Variants in CCR5AS observed in about 807,000 individuals in gnomAD.
The protein encoded by CCR5AS is CCR5 antisense RNA.
Position 46,368,993 on chromosome 3 carries a change from G to A in CCR5AS, n.565+2251C>T, listed in dbSNP as rs770640308. Among the ~76,000 whole-genome samples the A allele has an allele frequency of 7.4e-5, 11 of 149,164 alleles. No homozygotes were observed. In the South Asian group the frequency reaches 2.2e-3, roughly 30 times the overall value. Reference sequence around the variant, plus strand: ...GTGAATACAAGGCTATCTATCTTTCGAAAAACCAAAGTTGTATTTATGCTA... The same window carrying A: ...GTGAATACAAGGCTATCTATCTTTCAAAAAACCAAAGTTGTATTTATGCTA... On this transcript the variant is annotated intron_variant and non_coding_transcript_variant, in intron 3 of 3. Coordinates refer to ENST00000451485, the Ensembl canonical transcript of CCR5AS.
At chr3:46,374,043 G>A (rs2106750653) in intron 2 of CCR5AS, 2 of 985,982 alleles carry the variant, frequency 2.0e-6, no homozygotes, top group Non-Finnish European at 3.0e-6. Context: ...TGGGGGTGGG[G>A]TGGGAGAGGT....
chr3:46,368,786 T>C (rs1193316009), intron 3 of CCR5AS, among the ~76,000 whole-genome samples: 1 of 152,228 alleles, frequency 6.6e-6, no homozygotes, highest in Non-Finnish European at 1.5e-5. Flanking sequence ...CCTGCTCCGC[T>C]AGCCCACATT....
intron 2 of CCR5AS, among the ~76,000 whole-genome samples, chr3:46,384,380 A>G (rs1701840345): frequency 6.6e-6 from 1 of 152,210 alleles, no homozygotes; most frequent in Non-Finnish European, 1.5e-5. Context: ...CATGTTGAAC[A>G]TGCCTGGCCC....
At chr3:46,401,956 C>A (rs962596153) in intron 1 of CCR5AS, among the ~76,000 whole-genome samples, 2 of 152,060 alleles carry the variant, frequency 1.3e-5, no homozygotes, top group Admixed American at 1.3e-4. Flanking sequence ...ACACTCCATA[C>A]CCTTTCTTCC....
rs1340789849 is a variant in CCR5AS, at chr3:46,372,721, C to A, written n.392-1304G>T. 10 of 505,946 alleles carry A rather than the reference C, an allele frequency of 2.0e-5. No homozygotes were observed. The East Asian group carries it at 2.9e-4, about 15-fold the overall frequency. 31.3% of individuals were successfully genotyped at this position (505,946 alleles called of 1,614,324 possible). A position where few individuals can be genotyped will look rare whatever the true frequency, so the allele number is the denominator to read the frequency against. ...AGTGGACAGGGAAGCTAGCAGCAAA[C>A]CTTCCCTTCACTACAAAACTTCATT... is the stretch of plus-strand genomic sequence containing the variant. On this transcript the variant is annotated intron_variant and non_coding_transcript_variant, in intron 2 of 3. Transcript: ENST00000451485.
rs528808326 is a variant in CCR5AS, at chr3:46,387,955, G to A, written n.391+4870C>T. 1.3e-4 allele frequency among the ~76,000 whole-genome samples: 20 copies of A among 152,244 alleles called. 1 individual carries two copies. The highest frequency in any genetic ancestry group is 7.2e-4 in the Admixed American group (11 of 15,296). On this transcript the variant is annotated intron_variant and non_coding_transcript_variant, in intron 2 of 3. Transcript: ENST00000451485. ...GAGAAGGAATGTCACAAGGTCAACT[G>A]ATCAGTTAGGGTGGGGCAGGAACAA...
chr3:46,387,503 C>A (rs140461192), intron 2 of CCR5AS, among the ~76,000 whole-genome samples: 57 of 152,318 alleles, frequency 3.7e-4, no homozygotes, highest in African/African-American at 1.3e-3. Flanking sequence ...TCCCTCCACA[C>A]TTTAGGTGCT....
intron 1 of CCR5AS, among the ~76,000 whole-genome samples, chr3:46,401,680 G>A (rs892146205): frequency 6.6e-5 from 10 of 152,086 alleles, no homozygotes; most frequent in Admixed American, 2.6e-4. Flanking sequence ...CAGCAGCTGG[G>A]CCCCTCAGTC....
At chr3:46,376,349 T>C (rs1276139838) in intron 2 of CCR5AS, 4 of 152,230 alleles carry the variant, frequency 2.6e-5, no homozygotes, top group Non-Finnish European at 5.9e-5. Context: ...GATAATTGTA[T>C]TTTTGTATTT....
chr3:46,389,078 TG>T (rs1559573691), intron 2 of CCR5AS, among the ~76,000 whole-genome samples: 2 of 151,998 alleles, frequency 1.3e-5, no homozygotes. Flanking sequence ...TGACAAATTT[TG>T]GGGGCACAGT....
At chr3:46,395,490 G>C (rs1219224046) in intron 1 of CCR5AS, among the ~76,000 whole-genome samples, 2 of 152,182 alleles carry the variant, frequency 1.3e-5, no homozygotes, top group African/African-American at 4.8e-5. Flanking sequence ...CTGTGGGAGA[G>C]AGGGCTGTGG....
chr3:46,371,582 T>C (rs1479421441), intron 2 of CCR5AS, among the ~76,000 whole-genome samples: 2 of 152,154 alleles, frequency 1.3e-5, no homozygotes, highest in African/African-American at 4.8e-5. Context: ...TGCAGGGAGT[T>C]TGAGACTCAC....
intron 2 of CCR5AS, among the ~76,000 whole-genome samples, chr3:46,380,601 C>T (rs1051221243): frequency 6.6e-6 from 1 of 152,198 alleles, no homozygotes; most frequent in Non-Finnish European, 1.5e-5. Flanking sequence ...CTGGAGTGGG[C>T]TCCAACAGCG....
intron 2 of CCR5AS, among the ~76,000 whole-genome samples, chr3:46,382,768 A>T (rs1212133142): frequency 4.6e-5 from 7 of 152,200 alleles, no homozygotes; most frequent in African/African-American, 1.4e-4. Context: ...ACTGTAGGAG[A>T]CAGTGTGAGT....
chr3:46,374,214 C>A (rs1339699622), intron 2 of CCR5AS: 2 of 345,674 alleles, frequency 5.8e-6, no homozygotes, highest in East Asian at 9.3e-5. Context: ...CCTTCACATG[C>A]ATCAAGTTAT....
chr3:46,399,487 G>A (rs1456068445), intron 1 of CCR5AS, among the ~76,000 whole-genome samples: 2 of 152,162 alleles, frequency 1.3e-5, no homozygotes, highest in Non-Finnish European at 1.5e-5. Context: ...TAAATGGTCT[G>A]ACCAATGTTT....
At chr3:46,372,853 C>A (rs919236224) in intron 2 of CCR5AS, 6 of 1,441,548 alleles carry the variant, frequency 4.2e-6, no homozygotes, top group Non-Finnish European at 5.7e-6. Flanking sequence ...TAAATACATT[C>A]TAGGACTTTA....
chr3:46,364,630 A>G (rs1369561268), exon 4 of CCR5AS, among the ~76,000 whole-genome samples: 2 of 124,682 alleles, frequency 1.6e-5, no homozygotes, highest in African/African-American at 5.6e-5. Flanking sequence ...CTATTAAGAA[A>G]TAGCTATATA....
In CCR5AS at chr3:46,387,240, C is replaced by T. The variant is rs528470884; in HGVS notation, n.391+5585G>A. ...CGTGAGCATGATGCAGCCCTACAGA[C>T]GCAGTGCCCTGGAAAGGAGACCCAT... On this transcript the variant is annotated intron_variant and non_coding_transcript_variant, in intron 2 of 3. Transcript: ENST00000451485. 5.3e-5 allele frequency among the ~76,000 whole-genome samples: 8 copies of T among 152,276 alleles called. No homozygotes were observed. In the East Asian group the frequency reaches 9.7e-4, roughly 18 times the overall value.
Sources: gnomAD v4.1 joint callset for allele counts (sites outside exome capture counted in the v4.1 genomes callset) on GRCh38, gnomAD v4.1.1 for gene constraint, MANE v1.5 for transcripts, NCBI Gene and HGNC (gene_info 2026-07-23, HGNC 2026-07-21) for gene names.